Variants in JAM3 observed in about 807,000 individuals in gnomAD.
JAM3 encodes the protein junctional adhesion molecule C.
Under a neutral mutation model 39.4 loss-of-function variants are expected in JAM3, and 31 were observed. The observed-to-expected ratio is 0.79, with a 90% CI of 0.59 to 1.06. The LOEUF (loss-of-function observed/expected upper bound fraction) is 1.06, where lower values mean the gene tolerates loss of function less well. JAM3 is among the 50% of genes least tolerant of loss of function. JAM3 has a pLI of 0.00. For missense variants in JAM3, 455 were observed against 391.4 expected (o/e 1.16, Z -1.37); for synonymous variants, 182 against 148.7 (o/e 1.22, Z -1.63).
intron 1 of JAM3, among the ~76,000 whole-genome samples, chr11:134,074,093 C>A (rs1565480188): frequency 6.6e-6 from 1 of 152,174 alleles, no homozygotes; most frequent in Non-Finnish European, 1.5e-5. Flanking sequence ...TTAAGTGACA[C>A]AAGCTGCAGG....
intron 1 of JAM3, among the ~76,000 whole-genome samples, chr11:134,089,457 C>G (rs1371926971): frequency 2.0e-5 from 3 of 152,094 alleles, no homozygotes; most frequent in African/African-American, 7.2e-5. Context: ...GCTATCCCCC[C>G]ATCCCTGTAC....
chr11:134,092,550 A>C (rs1941887015), intron 1 of JAM3, among the ~76,000 whole-genome samples: 1 of 150,874 alleles, frequency 6.6e-6, no homozygotes, highest in African/African-American at 2.5e-5. Context: ...CTTACATCTT[A>C]TTCATCATTT....
At chr11:134,135,846 A>C (rs1258077075) in intron 1 of JAM3, among the ~76,000 whole-genome samples, 3 of 152,106 alleles carry the variant, frequency 2.0e-5, no homozygotes, top group African/African-American at 7.2e-5. Flanking sequence ...AGGCGGGTAG[A>C]ACACCTGAGA....
intron 1 of JAM3, among the ~76,000 whole-genome samples, chr11:134,102,170 A>G (rs1942087338): frequency 1.3e-5 from 2 of 152,192 alleles, no homozygotes; most frequent in Admixed American, 6.5e-5. Context: ...TAGCATGGTA[A>G]GGGATGGAGT....
At chr11:134,115,003 CATAAT>C (rs1942395783) in intron 1 of JAM3, among the ~76,000 whole-genome samples, 2 of 152,272 alleles carry the variant, frequency 1.3e-5, no homozygotes, top group Middle Eastern at 3.4e-3. Context: ...TCAGTTTTTG[CATAAT>C]ATATTTTGAA....
chr11:134,147,180 C>A (rs557328013), intron 6 of JAM3, among the ~76,000 whole-genome samples: 4 of 151,958 alleles, frequency 2.6e-5, no homozygotes, highest in Admixed American at 2.6e-4. Context: ...GCATGCCAGG[C>A]GTGGTGGCTC....
chr11:134,106,476 CAAA>C (rs890721220), intron 1 of JAM3, among the ~76,000 whole-genome samples: 5 of 152,180 alleles, frequency 3.3e-5, no homozygotes, highest in African/African-American at 7.2e-5. Flanking sequence ...GCAATGGCAA[CAAA>C]AGCCAAATTT....
chr11:134,076,833 C>CTTTTTTTTTTTTTTTTTTTT (rs71038556), intron 1 of JAM3, among the ~76,000 whole-genome samples: 1 of 118,532 alleles, frequency 8.4e-6, no homozygotes. Flanking sequence ...ACATCTATTG[C>CTTTTTTTTTTTTTTTTTTTT]TTTTTTTTTT....
At chr11:134,116,482 A>T (rs1942436252) in intron 1 of JAM3, among the ~76,000 whole-genome samples, 1 of 152,160 alleles carries the variant, frequency 6.6e-6, no homozygotes, top group South Asian at 2.1e-4. Flanking sequence ...ATAGTATCAT[A>T]ATTTTTTTTC....
intron 1 of JAM3, among the ~76,000 whole-genome samples, chr11:134,113,457 C>G (rs1391062197): frequency 2.0e-5 from 3 of 152,098 alleles, no homozygotes; most frequent in Non-Finnish European, 2.9e-5. Context: ...GTTTTTTGTC[C>G]TTGTGATAGT....
chr11:134,125,738 C>G (rs1942636317), intron 1 of JAM3, among the ~76,000 whole-genome samples: 1 of 152,144 alleles, frequency 6.6e-6, no homozygotes, highest in Admixed American at 6.6e-5. Context: ...TCGTTCAAGT[C>G]CCAGCAGCAC....
chr11:134,107,822 C>G (rs1042102805), intron 1 of JAM3, among the ~76,000 whole-genome samples: 2 of 151,910 alleles, frequency 1.3e-5, no homozygotes, highest in African/African-American at 4.8e-5. Context: ...AATATTACGC[C>G]ACGGCACTCT....
chr11:134,105,098 T>A (rs1313645922), intron 1 of JAM3, among the ~76,000 whole-genome samples: 1 of 151,974 alleles, frequency 6.6e-6, no homozygotes, highest in African/African-American at 2.4e-5. Flanking sequence ...GATGCAAAAA[T>A]CCTCAATAAA....
At chr11:134,129,337 C>CA (rs1942718812) in intron 1 of JAM3, among the ~76,000 whole-genome samples, 2 of 152,136 alleles carry the variant, frequency 1.3e-5, no homozygotes, top group South Asian at 4.2e-4. Flanking sequence ...AGGATGGTCT[C>CA]AATCTCCTGA....
chr11:134,100,100 T>C (rs1942047366), intron 1 of JAM3, among the ~76,000 whole-genome samples: 1 of 152,214 alleles, frequency 6.6e-6, no homozygotes, highest in Admixed American at 6.5e-5. Flanking sequence ...TTAATTAAGA[T>C]GTTAAATTCT....
chr11:134,132,654 A>T (rs1565500564), intron 1 of JAM3, among the ~76,000 whole-genome samples: 1 of 152,178 alleles, frequency 6.6e-6, no homozygotes, highest in Non-Finnish European at 1.5e-5. Flanking sequence ...GGCCTTGTTA[A>T]GGACAGAATG....
intron 4 of JAM3, 89 bp downstream of exon 4, chr11:134,144,482 C>T (rs1360416059): frequency 3.4e-6 from 5 of 1,479,642 alleles, no homozygotes; most frequent in Admixed American, 1.7e-5. Flanking sequence ...AGAACTGTAT[C>T]CCTGAGGGCT....
intron 1 of JAM3, among the ~76,000 whole-genome samples, chr11:134,132,964 C>A (rs1942796051): frequency 2.0e-5 from 3 of 152,184 alleles, no homozygotes; most frequent in Admixed American, 1.3e-4. Context: ...TCTTTATCTG[C>A]CTGTCTGTCT....
intron 1 of JAM3, among the ~76,000 whole-genome samples, chr11:134,138,333 G>A (rs956118483): frequency 2.1e-5 from 3 of 145,232 alleles, no homozygotes; most frequent in Admixed American, 6.8e-5. Context: ...GGTCGAAGTC[G>A]TGGTGCTCAT....
Sources: allele counts gnomAD v4.1 joint callset (sites outside exome capture counted in the v4.1 genomes callset), GRCh38; gene constraint gnomAD v4.1.1; transcripts MANE v1.5; gene names NCBI Gene and HGNC (gene_info 2026-07-23, HGNC 2026-07-21).